ZNF678: variants seen among roughly 807,000 people sequenced by gnomAD.
ZNF678 encodes zinc finger protein 678.
A neutral mutation model predicts 3.0 loss-of-function variants in ZNF678; 5 were observed. The ratio of observed to expected loss-of-function variants is 1.69; its 90% CI spans 0.88 to 3.56. ZNF678 has a LOEUF of 3.56. Ranked by LOEUF, ZNF678 falls within the 30% of genes most tolerant of loss-of-function variation. The pLI, the probability that ZNF678 is intolerant of heterozygous loss-of-function variation, is 0.00. For missense variants in ZNF678, 593 were observed against 605.0 expected (o/e 0.98, Z 0.21); for synonymous variants, 218 against 199.6 (o/e 1.09, Z -0.78).
Position 227,598,847 on chromosome 1 carries a change from A to G in ZNF678, c.-164+35123A>G, listed in dbSNP as rs1055990756. ...AAGAATTAGAGCTTAATGAAGAAGA[A>G]GATGAATACCTACCAAATTTATTCT... On this transcript the variant is annotated intron_variant, in intron 1 of 3. Coordinates refer to ENST00000343776, the MANE Select transcript of ZNF678 (RefSeq NM_001367909.1). The G allele has an allele frequency of 7.4e-5, 45 of 607,518 alleles. No homozygotes were observed. In the African/African-American group the frequency reaches 8.3e-4, roughly 11 times the overall value. 37.6% of individuals were successfully genotyped at this position (607,518 alleles called of 1,614,324 possible). A position where few individuals can be genotyped will look rare whatever the true frequency, so the allele number is the denominator to read the frequency against.
At chr1:227,587,671 A>G (rs913930787) in intron 1 of ZNF678, among the ~76,000 whole-genome samples, 2 of 152,196 alleles carry the variant, frequency 1.3e-5, no homozygotes, top group African/African-American at 4.8e-5. Flanking sequence ...TTTGGGTATC[A>G]TCACTGCATT....
At chr1:227,602,747 G>A (rs1657766938) in intron 1 of ZNF678, among the ~76,000 whole-genome samples, 1 of 152,178 alleles carries the variant, frequency 6.6e-6, no homozygotes, top group East Asian at 1.9e-4. Flanking sequence ...ATATCAGTTT[G>A]AATATTTCAT....
intron 1 of ZNF678, among the ~76,000 whole-genome samples, chr1:227,581,293 A>T (rs1289879946): frequency 6.6e-6 from 1 of 152,024 alleles, no homozygotes; most frequent in Non-Finnish European, 1.5e-5. Context: ...ATTCTGCAAC[A>T]TACCTAGGTA....
At chr1:227,636,071 G>C (rs1658671378) in intron 1 of ZNF678, among the ~76,000 whole-genome samples, 1 of 152,106 alleles carries the variant, frequency 6.6e-6, no homozygotes, top group Admixed American at 6.5e-5. Flanking sequence ...TGGATTGTCT[G>C]GCGGTTAACT....
chr1:227,573,153 T>G lies in ZNF678; in HGVS notation c.-164+9429T>G, dbSNP rs574023426. 9.8e-5 allele frequency among the ~76,000 whole-genome samples: 15 copies of G among 152,326 alleles called. No individual in the cohort carries two copies. In the South Asian group the frequency reaches 2.9e-3, roughly 29 times the overall value. ...GTGGAAACAGTCCAACTCACACACA[T>G]GGTTATTTATTGTCAGTAGAGAGAA... is the stretch of plus-strand genomic sequence containing the variant. On this transcript the variant is annotated intron_variant, in intron 1 of 3. Coordinates refer to ENST00000343776, the MANE Select transcript of ZNF678 (RefSeq NM_001367909.1).
At chr1:227,639,101 G>A (rs749329291) in intron 1 of ZNF678, among the ~76,000 whole-genome samples, 9 of 152,116 alleles carry the variant, frequency 5.9e-5, no homozygotes, top group Non-Finnish European at 1.2e-4. Flanking sequence ...CCTTGCTGGG[G>A]GCGGTCCTTG....
chr1:227,648,234 C>T (rs1193736584), intron 2 of ZNF678, among the ~76,000 whole-genome samples: 2 of 152,128 alleles, frequency 1.3e-5, no homozygotes, highest in African/African-American at 4.8e-5. Context: ...TAAACTCCCA[C>T]CTTTTACCTT....
chr1:227,613,223 C>T (rs1658065977), intron 1 of ZNF678, among the ~76,000 whole-genome samples: 1 of 152,200 alleles, frequency 6.6e-6, no homozygotes, highest in Non-Finnish European at 1.5e-5. Flanking sequence ...GGCCAACCCA[C>T]CTTTCAACTT....
intron 1 of ZNF678, among the ~76,000 whole-genome samples, chr1:227,616,558 T>C (rs184177005): frequency 5.9e-5 from 9 of 152,348 alleles, no homozygotes; most frequent in Non-Finnish European, 8.8e-5. Flanking sequence ...GGCTGAAGCA[T>C]GTTGAAAAAA....
downstream of ZNF678, among the ~76,000 whole-genome samples, chr1:227,667,279 G>A (rs943001493): frequency 1.1e-4 from 16 of 152,004 alleles, 1 homozygote; most frequent in South Asian, 4.2e-4. Flanking sequence ...CAAGCGATCC[G>A]CCCGCCTTGG....
At chr1:227,628,809 T>A (rs1658479231) in intron 1 of ZNF678, among the ~76,000 whole-genome samples, 2 of 152,212 alleles carry the variant, frequency 1.3e-5, no homozygotes, top group Non-Finnish European at 2.9e-5. Context: ...GCTCAAGTCT[T>A]GGGCTAATAC....
chr1:227,677,550 G>A (rs1357654527), downstream of ZNF678: 1 of 152,242 alleles, frequency 6.6e-6, no homozygotes, highest in African/African-American at 2.4e-5. Flanking sequence ...ACAAAGAGCA[G>A]AAGGTCAAAA....
At chr1:227,609,081 T>A (rs556224091) in intron 1 of ZNF678, among the ~76,000 whole-genome samples, 1 of 152,180 alleles carries the variant, frequency 6.6e-6, no homozygotes, top group East Asian at 1.9e-4. Context: ...TATTTAAATG[T>A]ATATAAAGGA....
chr1:227,582,677 C>T (rs1465140422), intron 1 of ZNF678: 9 of 159,876 alleles, frequency 5.6e-5, no homozygotes, highest in African/African-American at 2.2e-4. Context: ...ATATGTCACT[C>T]TTATGTTTTC....
At chr1:227,564,969 C>T (rs1454821124) in intron 1 of ZNF678, among the ~76,000 whole-genome samples, 1 of 151,302 alleles carries the variant, frequency 6.6e-6, no homozygotes, top group South Asian at 2.1e-4. Context: ...CTCCTGACCT[C>T]GTGATCCCCC....
chr1:227,613,295 TGCCGCAGCTATTGCCCTG>T (rs1301271260), intron 1 of ZNF678, among the ~76,000 whole-genome samples: 1 of 152,210 alleles, frequency 6.6e-6, no homozygotes, highest in African/African-American at 2.4e-5. Flanking sequence ...ATTTTGACAC[TGCCGCAGCTATTGCCCTG>T]GCCCCAGGAC....
At chr1:227,635,264 C>G (rs554685240) in intron 1 of ZNF678, among the ~76,000 whole-genome samples, 2 of 152,064 alleles carry the variant, frequency 1.3e-5, no homozygotes, top group Non-Finnish European at 2.9e-5. Flanking sequence ...TCAGGTGTAC[C>G]TTTATTTTAA....
chr1:227,632,957 A>T (rs1335532602), intron 1 of ZNF678, among the ~76,000 whole-genome samples: 1 of 152,108 alleles, frequency 6.6e-6, no homozygotes, highest in Admixed American at 6.5e-5. Context: ...GCTCTATTAG[A>T]AGCCATGGGT....
chr1:227,625,424 G>A (rs1302757250), intron 1 of ZNF678, among the ~76,000 whole-genome samples: 1 of 152,182 alleles, frequency 6.6e-6, no homozygotes, highest in African/African-American at 2.4e-5. Context: ...CAACATTGGA[G>A]CATGGGCTAG....
Sources: allele counts gnomAD v4.1 joint callset (sites outside exome capture counted in the v4.1 genomes callset), GRCh38; gene constraint gnomAD v4.1.1; transcripts MANE v1.5; gene names NCBI Gene and HGNC (gene_info 2026-07-23, HGNC 2026-07-21).